XKR9: variants seen among roughly 807,000 people sequenced by gnomAD.
XKR9 encodes XK related 9.
In XKR9, 32 loss-of-function variants were observed where a neutral mutation model predicts 32.0. That is an observed-to-expected ratio of 1.00 (90% confidence interval 0.76 to 1.34). The LOEUF (loss-of-function observed/expected upper bound fraction) is 1.34. Ranked by LOEUF, XKR9 falls within the 40% of genes most tolerant of loss-of-function variation. The probability of loss-of-function intolerance (pLI) is 0.00; values close to 1 mark genes in which losing one functional copy is unlikely to be tolerated. For missense variants in XKR9, 546 were observed against 429.7 expected, an observed-to-expected ratio of 1.27 and a Z score of -2.39; for synonymous variants, 168 against 143.4, an observed-to-expected ratio of 1.17 and a Z score of -1.22.
At chr8:71,057,912 C>T in the XKR9 span, among the ~76,000 whole-genome samples, 246 of 152,270 alleles carry the variant, frequency 1.6e-3, no homozygotes, top group Non-Finnish European at 2.7e-3. Flanking sequence ...GGGCCATGCG[C>T]GGTGGCTTAT....
At chr8:71,015,285 A>G in the XKR9 span, among the ~76,000 whole-genome samples, 123 of 152,322 alleles carry the variant, frequency 8.1e-4, 1 homozygote, top group Non-Finnish European at 1.6e-3. Context: ...GTTACCTAAC[A>G]TGCCTGGTGG....
downstream of XKR9, among the ~76,000 whole-genome samples, chr8:70,736,404 C>A (rs1806864180): frequency 6.6e-6 from 1 of 151,964 alleles, no homozygotes; most frequent in South Asian, 2.1e-4. Context: ...ACATTTTCTC[C>A]CATTTTGTAG....
chr8:70,885,318 A>G, the XKR9 span, among the ~76,000 whole-genome samples: 1 of 152,154 alleles, frequency 6.6e-6, no homozygotes, highest in African/African-American at 2.4e-5. Flanking sequence ...CTTCCAGTGC[A>G]ATGACTTATG....
the XKR9 span, among the ~76,000 whole-genome samples, chr8:70,981,076 T>C: frequency 2.0e-5 from 3 of 152,214 alleles, no homozygotes; most frequent in African/African-American, 7.2e-5. Flanking sequence ...TAAGATTTTT[T>C]CCTTTGTCTT....
chr8:70,819,840 C>G, the XKR9 span, among the ~76,000 whole-genome samples: 11 of 152,066 alleles, frequency 7.2e-5, no homozygotes, highest in African/African-American at 2.7e-4. Flanking sequence ...GTGTGAGGCT[C>G]TATGTTGAGA....
the XKR9 span, among the ~76,000 whole-genome samples, chr8:70,818,735 G>T: frequency 6.6e-6 from 1 of 152,092 alleles, no homozygotes; most frequent in African/African-American, 2.4e-5. Flanking sequence ...TATAACTAGG[G>T]GTTGAGTAGT....
At chr8:70,698,396 A>G (rs896631312) in intron 3 of XKR9, among the ~76,000 whole-genome samples, 5 of 152,036 alleles carry the variant, frequency 3.3e-5, no homozygotes, top group Admixed American at 1.3e-4. Flanking sequence ...CTTTGTTCTC[A>G]TTGGTTTCAA....
At chr8:70,982,371 G>T in the XKR9 span, among the ~76,000 whole-genome samples, 7 of 152,144 alleles carry the variant, frequency 4.6e-5, no homozygotes, top group Admixed American at 2.0e-4. Flanking sequence ...TGGCTGTTGT[G>T]GGGGATAGCA....
chr8:70,748,390 C>G (rs917349778), intron 2 of XKR9, among the ~76,000 whole-genome samples: 1 of 152,244 alleles, frequency 6.6e-6, no homozygotes, highest in South Asian at 2.1e-4. Flanking sequence ...CTAGTCTCTC[C>G]CCGCTCCTGG....
the XKR9 span, among the ~76,000 whole-genome samples, chr8:70,930,367 C>T: frequency 3.9e-5 from 6 of 152,254 alleles, no homozygotes; most frequent in South Asian, 1.0e-3. Context: ...AGTGAGAAGA[C>T]TTAGTGGCTA....
chr8:70,724,737 T>C (rs1266789889), intron 4 of XKR9, among the ~76,000 whole-genome samples: 1 of 152,138 alleles, frequency 6.6e-6, no homozygotes, highest in Non-Finnish European at 1.5e-5. Context: ...TGAGATGAAC[T>C]GGTACCTCAG....
At chr8:71,012,383 T>C in the XKR9 span, among the ~76,000 whole-genome samples, 5 of 152,194 alleles carry the variant, frequency 3.3e-5, no homozygotes, top group Non-Finnish European at 7.3e-5. Context: ...GGAAGGTTGG[T>C]GGCTATGGGT....
intron 4 of XKR9, among the ~76,000 whole-genome samples, chr8:70,708,439 A>G (rs1343619992): frequency 6.6e-6 from 1 of 152,116 alleles, no homozygotes; most frequent in African/African-American, 2.4e-5. Context: ...ATGAGATATA[A>G]TTCAATTGTC....
At chr8:71,004,998 C>CTTTTTTTT in the XKR9 span, among the ~76,000 whole-genome samples, 19 of 48,228 alleles carry the variant, frequency 3.9e-4, 1 homozygote, top group Non-Finnish European at 5.9e-4. Context: ...TTAATCTATG[C>CTTTTTTTT]TTTTTTTTTT....
chr8:71,002,739 A>T, the XKR9 span, among the ~76,000 whole-genome samples: 4 of 152,234 alleles, frequency 2.6e-5, no homozygotes, highest in Non-Finnish European at 4.4e-5. Flanking sequence ...CTGTAAAAAA[A>T]CTCAGACATG....
chr8:70,813,985 C>T, the XKR9 span, among the ~76,000 whole-genome samples: 1 of 152,196 alleles, frequency 6.6e-6, no homozygotes, highest in African/African-American at 2.4e-5. Context: ...TATAAAGACA[C>T]ATGCATACGT....
the XKR9 span, among the ~76,000 whole-genome samples, chr8:70,825,826 C>A: frequency 6.6e-6 from 1 of 152,054 alleles, no homozygotes; most frequent in Non-Finnish European, 1.5e-5. Context: ...TGGACACGGA[C>A]TATTAACTTC....
intron 4 of XKR9, among the ~76,000 whole-genome samples, chr8:70,709,550 AC>A (rs1805835849): frequency 6.6e-6 from 1 of 152,112 alleles, no homozygotes; most frequent in African/African-American, 2.4e-5. Flanking sequence ...TACCTAGAAC[AC>A]CCCCATGGTC....
At chr8:70,991,531 T>C in the XKR9 span, among the ~76,000 whole-genome samples, 1 of 152,228 alleles carries the variant, frequency 6.6e-6, no homozygotes, top group Non-Finnish European at 1.5e-5. Context: ...ACCAGGTGTC[T>C]TGATTTAAAT....
Sources: gnomAD v4.1 joint callset for allele counts (sites outside exome capture counted in the v4.1 genomes callset) on GRCh38, gnomAD v4.1.1 for gene constraint, MANE v1.5 for transcripts, NCBI Gene and HGNC (gene_info 2026-07-23, HGNC 2026-07-21) for gene names.